Variants in TMEM132B observed in about 807,000 individuals in gnomAD.
The protein encoded by TMEM132B is transmembrane protein 132B.
TMEM132B carries 18 observed loss-of-function variants against 90.8 expected under a neutral mutation model. That is an observed-to-expected ratio of 0.20 (90% CI 0.14 to 0.29). The LOEUF is 0.29. TMEM132B is among the 10% of genes least tolerant of loss of function. The probability of loss-of-function intolerance (pLI) is 1.00; values close to 1 mark genes in which losing one functional copy is unlikely to be tolerated. For missense variants in TMEM132B, 1,096 were observed against 1,326.8 expected (o/e 0.83, Z 2.70); for synonymous variants, 504 against 523.3 (o/e 0.96, Z 0.50).
intron 3 of TMEM132B, among the ~76,000 whole-genome samples, chr12:125,453,850 C>G (rs1286281176): frequency 6.6e-6 from 1 of 152,164 alleles, no homozygotes; most frequent in Non-Finnish European, 1.5e-5. Flanking sequence ...GATGCTCAGC[C>G]TGGTGTGTAC....
chr12:125,199,176 G>A (rs1422563878), intron 1 of TMEM132B, among the ~76,000 whole-genome samples: 1 of 152,142 alleles, frequency 6.6e-6, no homozygotes, highest in Non-Finnish European at 1.5e-5. Flanking sequence ...GCACATACAC[G>A]GCATCGTATG....
chr12:125,233,148 C>T (rs1383514353), intron 1 of TMEM132B, among the ~76,000 whole-genome samples: 2 of 152,126 alleles, frequency 1.3e-5, no homozygotes, highest in East Asian at 3.9e-4. Context: ...TTAACTCACC[C>T]CAGTGTCTGA....
At chr12:125,241,106 A>T (rs1335668523) in intron 1 of TMEM132B, among the ~76,000 whole-genome samples, 2 of 152,214 alleles carry the variant, frequency 1.3e-5, no homozygotes, top group African/African-American at 4.8e-5. Context: ...TTTTAAATGC[A>T]TATCGTAAAA....
rs564728689 is a variant in TMEM132B, at chr12:125,487,244, T to A, written c.1107-32195T>A. 2.0e-5 allele frequency among the ~76,000 whole-genome samples: 3 copies of A among 152,264 alleles called. No homozygotes were observed. In the South Asian group the frequency reaches 6.2e-4, roughly 32 times the overall value. On this transcript the variant is annotated intron_variant, in intron 3 of 8. Transcript: ENST00000682704. ...CCAAAATGAAGGCTGTCTTGGAAAA[T>A]GGGAAGCAGAATGCCAGAATTCCAG...
At position 125,251,508 on chromosome 12, in the gene TMEM132B, G is replaced by C. The variant is rs1874315805; in HGVS notation, c.67+64642G>C. ...TGAGAGGGAAGAAGTCTGGGTTTAA[G>C]AAATTCGCTGCTCTCTGCCTATCTT... is the stretch of plus-strand genomic sequence containing the variant. On this transcript the variant is annotated intron_variant, in intron 1 of 8. Transcript: ENST00000682704. This position sits in a 1 kb window ranked among gnomAD's most constrained non-coding sequence, Gnocchi z 4.4. Among the ~76,000 whole-genome samples the C allele has an allele frequency of 6.6e-6, 1 of 152,182 alleles. No homozygotes were observed. The highest frequency in any genetic ancestry group is 1.5e-5 in the Non-Finnish European group (1 of 68,040).
intron 5 of TMEM132B, among the ~76,000 whole-genome samples, chr12:125,607,888 A>G (rs1027731047): frequency 3.3e-5 from 5 of 152,208 alleles, no homozygotes; most frequent in Non-Finnish European, 7.3e-5. Context: ...GACGTTTCAC[A>G]TAGCATAATA....
chr12:125,616,825 A>G (rs1885999073), intron 5 of TMEM132B, among the ~76,000 whole-genome samples: 1 of 152,182 alleles, frequency 6.6e-6, no homozygotes, highest in South Asian at 2.1e-4. Context: ...ATTAGTCATG[A>G]GGATGGGACT....
intron 3 of TMEM132B, among the ~76,000 whole-genome samples, chr12:125,442,814 T>C (rs538808847): frequency 6.6e-6 from 1 of 152,246 alleles, no homozygotes; most frequent in East Asian, 1.9e-4. Context: ...GAAATGCATA[T>C]CTTTGTGTGA....
rs1385936421 is a variant in TMEM132B, at chr12:125,186,417, G to C, written c.-383G>C. ...TCGCTGGCTCGAGGGGCGGCCGGCA[G>C]ATGGCGATGGCAGAGGCGGCGGCGG... On this transcript the variant is annotated 5_prime_UTR_variant, in exon 1 of 9. Transcript: ENST00000682704. The surrounding 1 kb of genome is among the most constrained non-coding windows in gnomAD (Gnocchi z 6.3). 1.4e-5 allele frequency among the ~76,000 whole-genome samples: 2 copies of C among 144,642 alleles called. No individual in the cohort carries two copies. The allele number at this position is 144,642 out of a possible 152,430, so 94.9% of individuals were successfully genotyped here.
intron 4 of TMEM132B, among the ~76,000 whole-genome samples, chr12:125,549,834 C>G (rs1293017720): frequency 6.6e-6 from 1 of 152,100 alleles, no homozygotes; most frequent in Admixed American, 6.5e-5. Context: ...AAATTAACAC[C>G]AGACATTGTG....
chr12:125,289,870 A>T (rs1255078617), intron 1 of TMEM132B, among the ~76,000 whole-genome samples: 1 of 152,224 alleles, frequency 6.6e-6, no homozygotes, highest in Non-Finnish European at 1.5e-5. Flanking sequence ...CTCATGCTAC[A>T]GCAGTCTCAA....
At chr12:125,241,808 A>T (rs1874075190) in intron 1 of TMEM132B, among the ~76,000 whole-genome samples, 1 of 152,140 alleles carries the variant, frequency 6.6e-6, no homozygotes, top group African/African-American at 2.4e-5. Context: ...CTTGCTATAG[A>T]TGTGTATGAA....
At chr12:125,193,741 A>G (rs902947473) in intron 1 of TMEM132B, among the ~76,000 whole-genome samples, 3 of 152,376 alleles carry the variant, frequency 2.0e-5, no homozygotes, top group Admixed American at 2.0e-4. Context: ...TTCATTGAAC[A>G]GAGGTATAAA....
intron 3 of TMEM132B, among the ~76,000 whole-genome samples, chr12:125,497,193 A>C (rs2136585396): frequency 6.6e-6 from 1 of 152,334 alleles, no homozygotes; most frequent in Admixed American, 6.5e-5. Context: ...ACGTGGAAGC[A>C]CTTGCCAAGC....
chr12:125,266,448 T>C (rs187708799), intron 1 of TMEM132B, among the ~76,000 whole-genome samples: 16 of 152,350 alleles, frequency 1.1e-4, no homozygotes, highest in African/African-American at 3.6e-4. Flanking sequence ...CAATTTATTA[T>C]AACTGAGCAT....
At position 125,432,401 on chromosome 12, in the gene TMEM132B, A is replaced by ATG. The variant is rs1880543855; in HGVS notation, c.1106+16726_1106+16727dup. On this transcript the variant is annotated intron_variant, in intron 3 of 8. Coordinates refer to ENST00000682704, the MANE Select transcript of TMEM132B (RefSeq NM_001366854.1). ...TATATATATATATATATATATATGTATGTATGTGTATATATATATATGTAT... is the reference window on the plus strand; with the variant it reads ...TATATATATATATATATATATATGTATGTGTATGTGTATATATATATATGTAT... 3.4e-5 allele frequency among the ~76,000 whole-genome samples: 2 copies of ATG among 59,284 alleles called. 1 individual carries two copies. The highest frequency in any genetic ancestry group is 1.2e-4 in the African/African-American group (2 of 17,030). 38.9% of individuals were successfully genotyped at this position (59,284 alleles called of 152,430 possible). A position where few individuals can be genotyped will look rare whatever the true frequency, so the allele number is the denominator to read the frequency against.
intron 4 of TMEM132B, among the ~76,000 whole-genome samples, chr12:125,555,637 A>C (rs543001198): frequency 6.6e-6 from 1 of 151,388 alleles, no homozygotes; most frequent in Non-Finnish European, 1.5e-5. Flanking sequence ...TGGGTGCAGC[A>C]CACCAACATG....
At position 125,300,333 on chromosome 12, in the gene TMEM132B, G is replaced by T. The variant is rs576143837; in HGVS notation, c.68-49119G>T. ...TTACAGGCATGTGCCACTGCACCTG[G>T]TCTCTTTTGTTCTTTATATCCCTTG... is the stretch of plus-strand genomic sequence containing the variant. On this transcript the variant is annotated intron_variant, in intron 1 of 8. Coordinates refer to ENST00000682704, the MANE Select transcript of TMEM132B (RefSeq NM_001366854.1). 2.8e-4 allele frequency among the ~76,000 whole-genome samples: 42 copies of T among 152,216 alleles called. No homozygotes were observed. The South Asian group carries it at 8.3e-3, about 30-fold the overall frequency.
At chr12:125,489,439 C>T (rs1204505484) in intron 3 of TMEM132B, among the ~76,000 whole-genome samples, 4 of 151,866 alleles carry the variant, frequency 2.6e-5, no homozygotes, top group Admixed American at 2.6e-4. Flanking sequence ...ATGGGTGTCT[C>T]ACTCTTTTGC....
Sources: gnomAD v4.1 joint callset for allele counts (sites outside exome capture counted in the v4.1 genomes callset) on GRCh38, gnomAD v4.1.1 for gene constraint, Gnocchi (gnomAD v3.1) non-coding constraint, MANE v1.5 for transcripts, NCBI Gene and HGNC (gene_info 2026-07-23, HGNC 2026-07-21) for gene names.